Variants in CTNNA3 observed in about 807,000 individuals in gnomAD.
The protein encoded by CTNNA3 is catenin alpha-3.
CTNNA3 carries 76 observed loss-of-function variants against 95.7 expected under a neutral mutation model. The ratio of observed to expected loss-of-function variants is 0.79; its 90% CI spans 0.66 to 0.96. The LOEUF (loss-of-function observed/expected upper bound fraction) is 0.96. Ranked by LOEUF, CTNNA3 falls within the 40% of genes least tolerant of loss-of-function variation. CTNNA3 has a pLI of 0.00. For synonymous variants in CTNNA3, 431 were observed against 374.4 expected (o/e 1.15, Z -1.74); for missense variants, 1,191 against 1,089.8 (o/e 1.09, Z -1.31).
At chr10:66,536,298 A>G (rs1267262795) in intron 10 of CTNNA3, among the ~76,000 whole-genome samples, 2 of 151,990 alleles carry the variant, frequency 1.3e-5, no homozygotes, top group African/African-American at 2.4e-5. Context: ...CCTGGCCAAC[A>G]TGGCGAAACT....
rs112650971 is a variant in CTNNA3 at position 67,032,486 on chromosome 10, G to C, written c.1047+147831C>G. Among the ~76,000 whole-genome samples the C allele has an allele frequency of 6.2e-3, 944 of 152,240 alleles. 8 individuals carry two copies. Among genetic ancestry groups the C allele is most frequent in the African/African-American group, 0.021 (882 of 41,566 alleles). ...AAAAAAGAATATGGGTGGGATTTGT[G>C]GAGGTCCTGCTATAGTTAATGAGAA... On this transcript the variant is annotated intron_variant, in intron 7 of 17. Coordinates refer to ENST00000433211, the MANE Select transcript of CTNNA3 (RefSeq NM_013266.4).
chr10:67,046,288 T>C (rs1311532347), intron 7 of CTNNA3, among the ~76,000 whole-genome samples: 1 of 152,186 alleles, frequency 6.6e-6, no homozygotes, highest in African/African-American at 2.4e-5. Flanking sequence ...ACAATTCTTA[T>C]CTCAGGGCCA....
In CTNNA3 at chr10:66,861,928, A is replaced by T. The variant is rs1001799815; in HGVS notation, c.1048-86404T>A. ...GGGTTATTTCTTTAGAAGTTTGGTG[A>T]TGTTAGCCAGCCACTGTGGGTCACA... On this transcript the variant is annotated intron_variant, in intron 7 of 17. Transcript: ENST00000433211. 3.9e-5 allele frequency among the ~76,000 whole-genome samples: 6 copies of T among 152,176 alleles called. No homozygotes were observed. In the South Asian group the frequency reaches 1.2e-3, roughly 31 times the overall value.
intron 9 of CTNNA3, among the ~76,000 whole-genome samples, chr10:66,643,333 A>T (rs1480103726): frequency 6.6e-6 from 1 of 152,170 alleles, no homozygotes; most frequent in Non-Finnish European, 1.5e-5. Context: ...TCTGCTGGGT[A>T]ACTGAAGACC....
At chr10:66,710,834 A>C (rs1449183533) in intron 9 of CTNNA3, among the ~76,000 whole-genome samples, 1 of 150,586 alleles carries the variant, frequency 6.6e-6, no homozygotes, top group Non-Finnish European at 1.5e-5. Context: ...CAAATCTTAA[A>C]ACTTTGTCAT....
intron 10 of CTNNA3, among the ~76,000 whole-genome samples, chr10:66,618,283 A>C (rs1273908632): frequency 1.6e-4 from 24 of 151,972 alleles, no homozygotes; most frequent in African/African-American, 5.6e-4. Flanking sequence ...ACAAAGCTGG[A>C]GGCATCACGC....
chr10:66,256,844 A>T (rs2090805727), intron 13 of CTNNA3, among the ~76,000 whole-genome samples: 1 of 152,206 alleles, frequency 6.6e-6, no homozygotes, highest in Admixed American at 6.5e-5. Context: ...TGCTACTAAC[A>T]GAATGGGGAC....
intron 1 of CTNNA3, among the ~76,000 whole-genome samples, chr10:67,735,578 G>C (rs1308014294): frequency 6.6e-6 from 1 of 152,036 alleles, no homozygotes; most frequent in Non-Finnish European, 1.5e-5. Flanking sequence ...TTAGGCAAAT[G>C]CAAATCAAAA....
intron 7 of CTNNA3, among the ~76,000 whole-genome samples, chr10:66,787,270 G>A (rs940592031): frequency 6.6e-6 from 1 of 151,614 alleles, no homozygotes; most frequent in Non-Finnish European, 1.5e-5. Context: ...TGATCACTAT[G>A]TACTAAATGT....
At chr10:66,572,574 A>T (rs1842901647) in intron 10 of CTNNA3, among the ~76,000 whole-genome samples, 1 of 151,650 alleles carries the variant, frequency 6.6e-6, no homozygotes, top group African/African-American at 2.4e-5. Flanking sequence ...TCAAAAAAAA[A>T]AACAAAACAT....
intron 13 of CTNNA3, among the ~76,000 whole-genome samples, chr10:66,234,671 T>A (rs1425029641): frequency 6.6e-6 from 1 of 152,160 alleles, no homozygotes; most frequent in African/African-American, 2.4e-5. Flanking sequence ...ATCATGAGAA[T>A]CAACTGTTAT....
intron 2 of CTNNA3, among the ~76,000 whole-genome samples, chr10:67,639,887 G>A (rs182013511): frequency 1.8e-4 from 28 of 151,944 alleles, no homozygotes; most frequent in African/African-American, 5.6e-4. Flanking sequence ...ATGACCAACC[G>A]ACAGCCAATA....
chr10:66,777,218 G>A (rs1840337143), intron 7 of CTNNA3, among the ~76,000 whole-genome samples: 1 of 152,132 alleles, frequency 6.6e-6, no homozygotes, highest in Non-Finnish European at 1.5e-5. Context: ...CGTGGACCCA[G>A]GTCTGCTAAA....
At chr10:66,556,707 T>C (rs2132122701) in intron 10 of CTNNA3, among the ~76,000 whole-genome samples, 1 of 152,158 alleles carries the variant, frequency 6.6e-6, no homozygotes, top group South Asian at 2.1e-4. Context: ...GAAAGCTGGT[T>C]ATCAGGGGCA....
At chr10:66,982,144 C>G (rs927451505) in intron 7 of CTNNA3, among the ~76,000 whole-genome samples, 1 of 152,178 alleles carries the variant, frequency 6.6e-6, no homozygotes, top group East Asian at 1.9e-4. Context: ...AAAATAAATA[C>G]ATTTGCATTC....
At chr10:67,101,904 G>C (rs1040490109) in intron 7 of CTNNA3, among the ~76,000 whole-genome samples, 3 of 151,754 alleles carry the variant, frequency 2.0e-5, no homozygotes, top group African/African-American at 7.2e-5. Flanking sequence ...GTGAATTGTT[G>C]TTATTCAACT....
chr10:67,355,308 AGTT>A (rs761248039), intron 5 of CTNNA3, among the ~76,000 whole-genome samples: 1 of 152,076 alleles, frequency 6.6e-6, no homozygotes, highest in Non-Finnish European at 1.5e-5. Context: ...AGAAGGAAGT[AGTT>A]GTTGGTGAAA....
chr10:67,469,959 TTTAG>T (rs1847753705), intron 5 of CTNNA3, among the ~76,000 whole-genome samples: 2 of 152,158 alleles, frequency 1.3e-5, no homozygotes, highest in Admixed American at 6.5e-5. Flanking sequence ...ATTATACTCT[TTTAG>T]TTATTTTTAA....
At chr10:67,402,920 C>G (rs941057322) in intron 5 of CTNNA3, among the ~76,000 whole-genome samples, 3 of 152,184 alleles carry the variant, frequency 2.0e-5, no homozygotes, top group Non-Finnish European at 2.9e-5. Flanking sequence ...GGGCCGAATC[C>G]AGGGAGCTGA....
Sources: gnomAD v4.1 joint callset for allele counts (sites outside exome capture counted in the v4.1 genomes callset) on GRCh38, gnomAD v4.1.1 for gene constraint, MANE v1.5 for transcripts, NCBI Gene and HGNC (gene_info 2026-07-23, HGNC 2026-07-21) for gene names.